SMYD3: variants seen among roughly 807,000 people sequenced by gnomAD.
SMYD3 encodes histone-lysine N-methyltransferase SMYD3.
In SMYD3, 36 loss-of-function variants were observed where a neutral mutation model predicts 57.7. The ratio of observed to expected loss-of-function variants is 0.62; its 90% CI spans 0.48 to 0.82. The LOEUF is 0.82. Among genes scored for constraint, SMYD3 ranks in the 40% least tolerant of loss-of-function variants. The pLI is 0.00. For missense variants in SMYD3, 515 were observed against 538.8 expected (o/e 0.96, Z 0.44); for synonymous variants, 211 against 195.0 (o/e 1.08, Z -0.68).
intron 5 of SMYD3, among the ~76,000 whole-genome samples, chr1:246,152,698 CGTGA>C (rs951186553): frequency 9.9e-5 from 15 of 152,206 alleles, no homozygotes; most frequent in African/African-American, 3.4e-4. Context: ...GGCTACACTA[CGTGA>C]GTGTGTCCTT....
chr1:246,491,050 G>T (rs2068261819), intron 1 of SMYD3, among the ~76,000 whole-genome samples: 1 of 152,168 alleles, frequency 6.6e-6, no homozygotes, highest in Non-Finnish European at 1.5e-5. Flanking sequence ...AAAGTTCAGA[G>T]CTGTTAAGTA....
intron 1 of SMYD3, among the ~76,000 whole-genome samples, chr1:246,425,842 G>A (rs1210717434): frequency 6.6e-6 from 1 of 152,164 alleles, no homozygotes. Flanking sequence ...AAGAACAAGG[G>A]ATGCCTTTAG....
At chr1:246,024,009 G>C (rs983842741) in intron 5 of SMYD3, among the ~76,000 whole-genome samples, 1 of 152,120 alleles carries the variant, frequency 6.6e-6, no homozygotes. Context: ...TGTTAGGTGG[G>C]AGGGGATAAA....
chr1:245,983,277 GAAAGA>G (rs916928161), intron 5 of SMYD3, among the ~76,000 whole-genome samples: 2 of 152,152 alleles, frequency 1.3e-5, no homozygotes, highest in African/African-American at 4.8e-5. Flanking sequence ...TCATCAAAAG[GAAAGA>G]AAATAGAAAA....
At position 246,227,030 on chromosome 1, in the gene SMYD3, TGTG is replaced by T. The variant is rs2063340342; in HGVS notation, c.531+100168_531+100170del. Among the ~76,000 whole-genome samples, 7 of 152,338 alleles carry T rather than the reference TGTG, an allele frequency of 4.6e-5. No homozygotes were observed. In the South Asian group the frequency reaches 1.0e-3, roughly 23 times the overall value. On this transcript the variant is annotated intron_variant, in intron 5 of 11. Coordinates refer to ENST00000490107, the MANE Select transcript of SMYD3 (RefSeq NM_001167740.2). ...TGATAATTAATCTTTAATAAATGCTTGTGATTTTTGACATATTAAATTCTAAAC... is the reference window on the plus strand; with the variant it reads ...TGATAATTAATCTTTAATAAATGCTTATTTTTGACATATTAAATTCTAAAC...
rs191771401 is a variant in SMYD3, at chr1:246,198,408, A to G, written c.531+128793T>C. On this transcript the variant is annotated intron_variant, in intron 5 of 11. Transcript: ENST00000490107. ...TTATTTCTAATATTCAAATGAGCTCAACTAATGAAATACTATTTTATTTTC... is the reference window on the plus strand; with the variant it reads ...TTATTTCTAATATTCAAATGAGCTCGACTAATGAAATACTATTTTATTTTC... Among the ~76,000 whole-genome samples the G allele has an allele frequency of 2.0e-5, 3 of 152,376 alleles. No individual in the cohort carries two copies. In the East Asian group the frequency reaches 5.8e-4, roughly 29 times the overall value.
chr1:246,129,346 G>T (rs1198649797), intron 5 of SMYD3, among the ~76,000 whole-genome samples: 1 of 151,376 alleles, frequency 6.6e-6, no homozygotes, highest in African/African-American at 2.4e-5. Flanking sequence ...TTACAACAAT[G>T]AAAGATTTAC....
chr1:245,943,902 T>C (rs776256170), intron 5 of SMYD3, among the ~76,000 whole-genome samples: 4 of 152,270 alleles, frequency 2.6e-5, no homozygotes, highest in South Asian at 2.1e-4. Context: ...ATTATCTCAA[T>C]AGATGCAGAC....
chr1:246,314,031 ACAGTTGTGGCAACAT>A lies in SMYD3; in HGVS notation c.531+13155_531+13169del, dbSNP rs1177481173. The stretch of plus-strand genomic sequence containing the variant: ...ATGTCAATTATCTTTATTTTCACAT[ACAGTTGTGGCAACAT>A]CAGCACAGAATCATTTGACATGAAT... On this transcript the variant is annotated intron_variant, in intron 5 of 11. Transcript: ENST00000490107. Among the ~76,000 whole-genome samples the A allele has an allele frequency of 2.0e-5, 3 of 152,220 alleles. No homozygotes were observed. The East Asian group carries it at 5.8e-4, about 29-fold the overall frequency.
At chr1:246,237,472 T>C (rs1047851852) in intron 5 of SMYD3, among the ~76,000 whole-genome samples, 8 of 152,190 alleles carry the variant, frequency 5.3e-5, no homozygotes, top group African/African-American at 1.9e-4. Flanking sequence ...GGGGGAAAGC[T>C]AAAACTTCCC....
At chr1:246,301,135 C>CA (rs2064886512) in intron 5 of SMYD3, among the ~76,000 whole-genome samples, 1 of 152,134 alleles carries the variant, frequency 6.6e-6, no homozygotes, top group Non-Finnish European at 1.5e-5. Context: ...GAGCAAAACC[C>CA]AAATCTGCCT....
At chr1:246,327,838 A>G (rs1206418920) in intron 4 of SMYD3, among the ~76,000 whole-genome samples, 1 of 152,234 alleles carries the variant, frequency 6.6e-6, no homozygotes, top group African/African-American at 2.4e-5. Flanking sequence ...TGGCTAGTAC[A>G]TCATGAATAG....
At chr1:245,948,746 C>T (rs2057511064) in intron 5 of SMYD3, among the ~76,000 whole-genome samples, 1 of 152,204 alleles carries the variant, frequency 6.6e-6, no homozygotes, top group South Asian at 2.1e-4. Context: ...GCACAAGCCA[C>T]TAGCAGTGAC....
chr1:246,185,877 C>CTTTA (rs1290636411), intron 5 of SMYD3, among the ~76,000 whole-genome samples: 1 of 152,190 alleles, frequency 6.6e-6, no homozygotes, highest in Non-Finnish European at 1.5e-5. Context: ...ACATAACATA[C>CTTTA]TTTAGTTCCT....
chr1:246,465,569 C>T (rs1029332624), intron 1 of SMYD3, among the ~76,000 whole-genome samples: 25 of 152,120 alleles, frequency 1.6e-4, no homozygotes, highest in Non-Finnish European at 3.4e-4. Flanking sequence ...CACGGTGGCT[C>T]ATGCCTGTAA....
intron 1 of SMYD3, among the ~76,000 whole-genome samples, chr1:246,369,654 G>C (rs554293815): frequency 1.3e-5 from 2 of 152,020 alleles, no homozygotes; most frequent in South Asian, 4.1e-4. Flanking sequence ...AGCCTCCCAA[G>C]TACCTGGGAC....
rs552045807 is a variant in SMYD3, at chr1:246,260,347, G to A, written c.531+66854C>T. Among the ~76,000 whole-genome samples, 108 of 152,338 alleles carry A rather than the reference G, an allele frequency of 7.1e-4. 2 individuals carry two copies. In the South Asian group the frequency reaches 8.9e-3, roughly 13 times the overall value. ...TCTTTTTTATCCACCAGACACTGTC[G>A]CAGAGGTTGTTTGCCAGTGTTCTGC... On this transcript the variant is annotated intron_variant, in intron 5 of 11. Coordinates refer to ENST00000490107, the MANE Select transcript of SMYD3 (RefSeq NM_001167740.2).
At chr1:246,274,503 G>T (rs1279179742) in intron 5 of SMYD3, among the ~76,000 whole-genome samples, 1 of 152,120 alleles carries the variant, frequency 6.6e-6, no homozygotes, top group African/African-American at 2.4e-5. Flanking sequence ...TTCTCCAAGT[G>T]CACGTATTTG....
intron 1 of SMYD3, among the ~76,000 whole-genome samples, chr1:246,472,306 T>C (rs759169525): frequency 1.8e-4 from 28 of 152,240 alleles, no homozygotes; most frequent in Non-Finnish European, 1.9e-4. Flanking sequence ...TGCAATTTAA[T>C]GAGTGGAATA....
Sources: allele counts gnomAD v4.1 joint callset (sites outside exome capture counted in the v4.1 genomes callset), GRCh38; gene constraint gnomAD v4.1.1; transcripts MANE v1.5; gene names NCBI Gene and HGNC (gene_info 2026-07-23, HGNC 2026-07-21).